The following GRIN3A variants were observed in gnomAD, a reference collection of about 807,000 sequenced individuals.
GRIN3A encodes the protein glutamate ionotropic receptor NMDA type subunit 3A, also known as glutamate receptor ionotropic, NMDA 3A.
GRIN3A carries 47 observed loss-of-function variants against 92.4 expected under a neutral mutation model. That is an observed-to-expected ratio of 0.51 (90% confidence interval 0.40 to 0.65). The LOEUF (loss-of-function observed/expected upper bound fraction) is 0.65. Among genes scored for constraint, GRIN3A ranks in the 30% least tolerant of loss-of-function variants. GRIN3A has a pLI of 0.00. For missense variants in GRIN3A, 1,324 were observed against 1,393.1 expected (o/e 0.95, Z 0.79); for synonymous variants, 527 against 540.6 (o/e 0.97, Z 0.35).
chr9:101,594,965 G>A, intron 6 of GRIN3A: 1 of 1,572,576 alleles, frequency 6.4e-7, no homozygotes. Context: ...GTCGGAGAGG[G>A]GAGCAGGGGC....
chr9:101,644,209 T>A (rs557526991), intron 3 of GRIN3A, among the ~76,000 whole-genome samples: 9 of 152,064 alleles, frequency 5.9e-5, no homozygotes, highest in African/African-American at 1.7e-4. Flanking sequence ...CCAAATCAAC[T>A]CTTCATTTTT....
intron 1 of GRIN3A, among the ~76,000 whole-genome samples, chr9:101,693,283 G>A (rs980262169): frequency 2.7e-5 from 4 of 149,960 alleles, no homozygotes; most frequent in Non-Finnish European, 5.9e-5. Flanking sequence ...TGCACGGAGG[G>A]GTCACACGTG....
chr9:101,664,771 T>G (rs994456420), intron 3 of GRIN3A, among the ~76,000 whole-genome samples: 1 of 151,998 alleles, frequency 6.6e-6, no homozygotes, highest in African/African-American at 2.4e-5. Context: ...GGTGATAAAA[T>G]ATTCACCCTC....
At chr9:101,628,445 A>T in intron 3 of GRIN3A, 44 bp from the exon 4 acceptor site, 2 of 1,580,328 alleles carry the variant, frequency 1.3e-6, no homozygotes, top group Admixed American at 1.7e-5. Context: ...AATTATTCTT[A>T]GAAGTGTTTT....
chr9:101,737,819 T>C lies in GRIN3A; in HGVS notation c.161A>G (p.His54Arg). 6.5e-7 allele frequency: 1 copy of C among 1,532,018 alleles called. No homozygotes were observed. Among genetic ancestry groups the C allele is most frequent in the Non-Finnish European group, 8.7e-7 (1 of 1,145,444 alleles). 94.9% of individuals were successfully genotyped at this position (1,532,018 alleles called of 1,614,324 possible). Residue 54 changes from histidine (H) to arginine (R), a missense_variant, in exon 1 of 9, where the codon CAC becomes CGC. Transcript: ENST00000361820. ...IGHAVRVGAVHLQPWTTAPRA... is the reference protein window; with the variant it reads ...IGHAVRVGAVRLQPWTTAPRA... ...GGGGGCGGTGGTCCAGGGCTGCAAG[T>C]GCACCGCGCCCACCCTCACCGCGTG... is the stretch of plus-strand genomic sequence containing the variant.
At chr9:101,634,248 G>C (rs1009948782) in intron 3 of GRIN3A, among the ~76,000 whole-genome samples, 1 of 150,246 alleles carries the variant, frequency 6.7e-6, no homozygotes, top group Admixed American at 6.7e-5. Flanking sequence ...CAGGGGAATG[G>C]CGTGAACCCG....
At chr9:101,578,407 G>A (rs1588234312) in intron 7 of GRIN3A, among the ~76,000 whole-genome samples, 1 of 152,084 alleles carries the variant, frequency 6.6e-6, no homozygotes, top group South Asian at 2.1e-4. Context: ...GAGGGTATAT[G>A]AATACATGAA....
At position 101,613,429 on chromosome 9, in the gene GRIN3A, C is replaced by T. The variant is rs770006762; in HGVS notation, c.2713G>A (p.Asp905Asn). ...KSHGFMDMLHDKWYRVVPCGK... is the reference protein window; with the variant it reads ...KSHGFMDMLHNKWYRVVPCGK... ...CAGGGAACCACCCTGTACCACTTGT[C>T]ATGGAGCATATCCATAAACCCATGT... Residue 905 changes from aspartate (D) to asparagine (N), a missense_variant, in exon 6 of 9, where the codon GAC (aspartate) becomes AAC (asparagine). Transcript: ENST00000361820. The T allele has an allele frequency of 1.2e-5, 19 of 1,614,190 alleles. No individual in the cohort carries two copies. In the African/African-American group the frequency reaches 1.6e-4, roughly 14 times the overall value.
chr9:101,675,045 A>G (rs1328139693), intron 2 of GRIN3A, among the ~76,000 whole-genome samples: 1 of 152,004 alleles, frequency 6.6e-6, no homozygotes, highest in Admixed American at 6.6e-5. Flanking sequence ...CACATATAGG[A>G]AAGAAAAATG....
rs1324371468 is a variant in GRIN3A, at chr9:101,613,362, C to T, written c.2766+14G>A. On this transcript the variant is annotated intron_variant, in intron 6 of 8. Coordinates refer to ENST00000361820, the MANE Select transcript of GRIN3A (RefSeq NM_133445.3). ...CTATACAACGTGTCACCATTTTCAA[C>T]AGTCTTTCCATACCTCCGTGACAGC... 1 of 1,614,030 alleles carries T rather than the reference C, an allele frequency of 6.2e-7. No individual in the cohort carries two copies. The highest frequency in any genetic ancestry group is 8.5e-7 in the Non-Finnish European group (1 of 1,179,914).
intron 3 of GRIN3A, among the ~76,000 whole-genome samples, chr9:101,634,281 C>T (rs1387361048): frequency 7.2e-6 from 1 of 138,758 alleles, no homozygotes; most frequent in African/African-American, 2.7e-5. Context: ...TGCAGTGAGC[C>T]GAGATCGCGC....
intron 3 of GRIN3A, among the ~76,000 whole-genome samples, chr9:101,636,786 G>A (rs1230237398): frequency 1.3e-5 from 2 of 152,168 alleles, no homozygotes; most frequent in African/African-American, 4.8e-5. Context: ...TAAACAATAT[G>A]CTTATCACAG....
At chr9:101,675,518 G>A (rs1204497623) in intron 2 of GRIN3A, among the ~76,000 whole-genome samples, 1 of 151,930 alleles carries the variant, frequency 6.6e-6, no homozygotes, top group East Asian at 1.9e-4. Flanking sequence ...CTCACTATGT[G>A]CCAGGCACTG....
intron 2 of GRIN3A, among the ~76,000 whole-genome samples, chr9:101,683,306 C>T (rs2118972115): frequency 6.6e-6 from 1 of 152,284 alleles, no homozygotes; most frequent in East Asian, 1.9e-4. Context: ...TTGCGTAACT[C>T]TGACATCCAC....
At chr9:101,735,350 G>T (rs1424671610) in intron 1 of GRIN3A, among the ~76,000 whole-genome samples, 2 of 151,800 alleles carry the variant, frequency 1.3e-5, no homozygotes, top group East Asian at 3.8e-4. Context: ...AAATGTGCTT[G>T]ACAGCGTATT....
At chr9:101,671,368 A>G (rs1268949113) in intron 2 of GRIN3A, among the ~76,000 whole-genome samples, 1 of 152,144 alleles carries the variant, frequency 6.6e-6, no homozygotes, top group East Asian at 1.9e-4. Flanking sequence ...GTCTTACTCC[A>G]AATGTTTTAA....
intron 8 of GRIN3A, among the ~76,000 whole-genome samples, chr9:101,574,710 G>A (rs1013959104): frequency 1.3e-5 from 2 of 152,214 alleles, no homozygotes; most frequent in Non-Finnish European, 2.9e-5. Flanking sequence ...TCAGTTAGGA[G>A]TGTTCTCACA....
At chr9:101,642,904 C>T (rs958074700) in intron 3 of GRIN3A, among the ~76,000 whole-genome samples, 3 of 152,108 alleles carry the variant, frequency 2.0e-5, no homozygotes, top group African/African-American at 7.2e-5. Context: ...GATGGGATCA[C>T]CTAGTTGCAG....
At chr9:101,702,448 C>T (rs1307717170) in intron 1 of GRIN3A, among the ~76,000 whole-genome samples, 4 of 152,166 alleles carry the variant, frequency 2.6e-5, no homozygotes, top group Non-Finnish European at 5.9e-5. Flanking sequence ...TGACTCACCT[C>T]TACATACCTT....
Sources: allele counts gnomAD v4.1 joint callset (sites outside exome capture counted in the v4.1 genomes callset), GRCh38; gene constraint gnomAD v4.1.1; transcripts MANE v1.5; gene names NCBI Gene and HGNC (gene_info 2026-07-23, HGNC 2026-07-21).